The following SLC26A4 variants were observed in gnomAD, a reference collection of about 807,000 sequenced individuals.
SLC26A4 encodes solute carrier family 26 member 4.
A neutral mutation model predicts 90.4 loss-of-function variants in SLC26A4; 93 were observed. The ratio of observed to expected loss-of-function variants is 1.03; its 90% CI spans 0.87 to 1.22. SLC26A4 has a LOEUF of 1.22. Ranked by LOEUF, SLC26A4 falls within the 50% of genes most tolerant of loss-of-function variation. The pLI is 0.00. For missense variants in SLC26A4, 1,127 were observed against 946.2 expected (o/e 1.19, Z -2.51); for synonymous variants, 393 against 354.6 (o/e 1.11, Z -1.22).
At chr7:107,711,116 C>A (rs1247319647) in intron 19 of SLC26A4, among the ~76,000 whole-genome samples, 1 of 150,294 alleles carries the variant, frequency 6.7e-6, no homozygotes. Context: ...AATACTAGTC[C>A]TAACTACCAA....
chr7:107,693,747 A>C, intron 10 of SLC26A4: 2 of 993,416 alleles, frequency 2.0e-6, no homozygotes, highest in Non-Finnish European at 2.4e-6. Context: ...CCGTTACTCC[A>C]TAGTCACTGT....
chr7:107,682,130 ATTT>A lies in SLC26A4; in HGVS notation c.766-1066_766-1064del, dbSNP rs72127521. Among the ~76,000 whole-genome samples, 641 of 73,382 alleles carry A rather than the reference ATTT, an allele frequency of 8.7e-3. 26 individuals are homozygous for A. The highest frequency in any genetic ancestry group is 0.027 in the African/African-American group (539 of 19,956). The allele number at this position is 73,382 out of a possible 152,430, so 48.1% of individuals were successfully genotyped here. A position where few individuals can be genotyped will look rare whatever the true frequency, so the allele number is the denominator to read the frequency against. On this transcript the variant is annotated intron_variant, in intron 6 of 20. Transcript: ENST00000644269. ...AAAAAAAAAAAAAAAAAAAAAAAAA[ATTT>A]TTTTTATGTTATCTTAGTTCAAGTT... is the stretch of plus-strand genomic sequence containing the variant.
chr7:107,671,956 A>G (rs1373620338), intron 3 of SLC26A4, among the ~76,000 whole-genome samples, 182 bp from the exon 4 acceptor site: 1 of 152,238 alleles, frequency 6.6e-6, no homozygotes, highest in Non-Finnish European at 1.5e-5. Flanking sequence ...TTTACTGAAT[A>G]ATGTACTGAA....
chr7:107,692,170 T>C (rs1181479777), intron 10 of SLC26A4: 7 of 945,870 alleles, frequency 7.4e-6, no homozygotes, highest in Non-Finnish European at 9.7e-6. Flanking sequence ...CATACTGGCA[T>C]GTATTATATT....
Position 107,715,486 on chromosome 7 carries a change from A to G in SLC26A4, c.*40A>G. ...GGTCTCTATGAGCAAGGAATACAAG[A>G]CAAAACTTCCTCAATGCATTGACTA... is the stretch of plus-strand genomic sequence containing the variant. On this transcript the variant is annotated 3_prime_UTR_variant, in exon 21 of 21. Transcript: ENST00000644269. 6.6e-7 allele frequency: 1 copy of G among 1,515,796 alleles called. No homozygotes were observed. The allele number at this position is 1,515,796 out of a possible 1,614,324, so 93.9% of individuals were successfully genotyped here.
intron 10 of SLC26A4, among the ~76,000 whole-genome samples, chr7:107,690,738 G>A (rs1791544374): frequency 6.6e-6 from 1 of 152,074 alleles, no homozygotes; most frequent in Admixed American, 6.5e-5. Context: ...AACATTTTTG[G>A]CATTTCTTCC....
chr7:107,696,152 A>G, intron 13 of SLC26A4, 113 bp downstream of exon 13: 1 of 770,908 alleles, frequency 1.3e-6, no homozygotes, highest in Admixed American at 1.7e-5. Context: ...GTTACTGTAT[A>G]TTGAGTGCTT....
At chr7:107,707,837 A>T (rs1792072507) in intron 18 of SLC26A4, among the ~76,000 whole-genome samples, 1 of 152,206 alleles carries the variant, frequency 6.6e-6, no homozygotes, top group East Asian at 1.9e-4. Context: ...CCTCTGGAAC[A>T]TCCCAAAGTT....
At chr7:107,674,475 C>A in intron 5 of SLC26A4, 127 bp downstream of exon 5, 1 of 821,180 alleles carries the variant, frequency 1.2e-6, no homozygotes. Context: ...AAATTATTTT[C>A]TAAATTACGT....
At chr7:107,668,284 A>C (rs1790770725) in intron 3 of SLC26A4, among the ~76,000 whole-genome samples, 1 of 152,200 alleles carries the variant, frequency 6.6e-6, no homozygotes, top group Admixed American at 6.5e-5. Context: ...CTGTGTGGGC[A>C]AGGGTGGAAG....
At chr7:107,711,416 C>T (rs943228045) in intron 19 of SLC26A4, among the ~76,000 whole-genome samples, 1 of 152,056 alleles carries the variant, frequency 6.6e-6, no homozygotes, top group African/African-American at 2.4e-5. Context: ...TCATAAAAAC[C>T]ACTAACCAAG....
At chr7:107,694,265 G>C (rs947197809) in intron 10 of SLC26A4, 138 bp from the exon 11 acceptor site, 1 of 726,236 alleles carries the variant, frequency 1.4e-6, no homozygotes, top group Admixed American at 2.0e-5. Context: ...CACTTTTCTC[G>C]ACAGTATTGA....
At position 107,713,948 on chromosome 7, in the gene SLC26A4, T is replaced by A. The variant is rs570627162; in HGVS notation, c.2319+1326T>A. ...ATTATTATTTGTGACTGAGTCTTAC[T>A]CTGTCACCTGGACTGGAGTGCAGTG... On this transcript the variant is annotated intron_variant, in intron 20 of 20. Transcript: ENST00000644269. 1.6e-3 allele frequency among the ~76,000 whole-genome samples: 250 copies of A among 152,210 alleles called. 1 individual carries two copies. The highest frequency in any genetic ancestry group is 3.0e-3 in the Non-Finnish European group (203 of 68,018).
chr7:107,698,509 G>A (rs999713497), intron 14 of SLC26A4, among the ~76,000 whole-genome samples: 3 of 152,028 alleles, frequency 2.0e-5, no homozygotes, highest in Non-Finnish European at 2.9e-5. Flanking sequence ...TAGAGATGGG[G>A]TTGCACCATG....
intron 10 of SLC26A4, chr7:107,692,082 G>C (rs972133074): frequency 1.6e-6 from 2 of 1,288,922 alleles, no homozygotes; most frequent in Non-Finnish European, 2.0e-6. Flanking sequence ...GTCCCAGTAA[G>C]TATGCCCATG....
rs1792346086 is a variant in SLC26A4 at position 107,716,346 on chromosome 7, G to T, written c.*900G>T. The T allele has an allele frequency of 6.6e-6, 1 of 152,006 alleles. No individual in the cohort carries two copies. The highest frequency in any genetic ancestry group is 1.5e-5 in the Non-Finnish European group (1 of 67,994). The allele number at this position is 152,006 out of a possible 1,614,324, so 9.4% of individuals were successfully genotyped here. Reference sequence around the variant, plus strand: ...TTTTTGATGTGCTTACATAACCATGGTGATTAAAATGAGTTTATATTTTTT... The same window carrying T: ...TTTTTGATGTGCTTACATAACCATGTTGATTAAAATGAGTTTATATTTTTT... On this transcript the variant is annotated 3_prime_UTR_variant, in exon 21 of 21. Transcript: ENST00000644269.
At position 107,661,940 on chromosome 7, in the gene SLC26A4, G is replaced by C; in HGVS notation, c.164+135G>C. ...TGGGCGCCAGCTGCTTCTCCCAGAG[G>C]CCCGACTTTCGGTCTCCGGTCCTCC... is the stretch of plus-strand genomic sequence containing the variant. On this transcript the variant is annotated intron_variant, in intron 2 of 20. Coordinates refer to ENST00000644269, the MANE Select transcript of SLC26A4 (RefSeq NM_000441.2). This position sits in a 1 kb window ranked among gnomAD's most constrained non-coding sequence, Gnocchi z 5.1. 9.8e-7 allele frequency: 1 copy of C among 1,018,036 alleles called. No individual in the cohort carries two copies. Among genetic ancestry groups the C allele is most frequent in the South Asian group, 1.7e-5 (1 of 59,224 alleles). The allele number at this position is 1,018,036 out of a possible 1,614,324, so 63.1% of individuals were successfully genotyped here.
chr7:107,711,266 A>C (rs1792178208), intron 19 of SLC26A4, among the ~76,000 whole-genome samples: 1 of 152,228 alleles, frequency 6.6e-6, no homozygotes, highest in Non-Finnish European at 1.5e-5. Context: ...GGTGATAAGA[A>C]AGTTGGATCA....
At chr7:107,710,340 G>T in intron 19 of SLC26A4, 141 bp downstream of exon 19, 1 of 694,056 alleles carries the variant, frequency 1.4e-6, no homozygotes, top group Non-Finnish European at 2.6e-6. Context: ...TTTTTCATCA[G>T]TAAAATGGAA....
Sources: gnomAD v4.1 joint callset for allele counts (sites outside exome capture counted in the v4.1 genomes callset) on GRCh38, gnomAD v4.1.1 for gene constraint, Gnocchi (gnomAD v3.1) non-coding constraint, MANE v1.5 for transcripts, NCBI Gene and HGNC (gene_info 2026-07-23, HGNC 2026-07-21) for gene names.